Variants in XRCC4 observed in about 807,000 individuals in gnomAD.
XRCC4 encodes the protein X-ray repair cross complementing 4, also known as DNA repair protein XRCC4.
Under a neutral mutation model 39.1 loss-of-function variants are expected in XRCC4, and 28 were observed. That is an observed-to-expected ratio of 0.72 (90% CI 0.53 to 0.98). The LOEUF (loss-of-function observed/expected upper bound fraction) is 0.98, where lower values mean the gene tolerates loss of function less well. Ranked by LOEUF, XRCC4 falls within the 50% of genes least tolerant of loss-of-function variation. The pLI is 0.00. For missense variants in XRCC4, 350 were observed against 376.4 expected (o/e 0.93, Z 0.58); for synonymous variants, 123 against 126.4 (o/e 0.97, Z 0.18).
In XRCC4 at chr5:83,241,761, A is replaced by G. The variant is rs373745404; in HGVS notation, c.746-16769A>G. 2.6e-5 allele frequency among the ~76,000 whole-genome samples: 4 copies of G among 152,282 alleles called. No individual in the cohort carries two copies. The East Asian group carries it at 7.7e-4, about 29-fold the overall frequency. ...TAACATAAACAGTCATTTAACACAT[A>G]TTTTATGTTTTATGTACTATATACT... On this transcript the variant is annotated intron_variant, in intron 6 of 7. Transcript: ENST00000396027.
In XRCC4 at chr5:83,252,524, G is replaced by A. The variant is rs374598336; in HGVS notation, c.746-6006G>A. On this transcript the variant is annotated intron_variant, in intron 6 of 7. Transcript: ENST00000396027. ...TAAATGAATATTAATTTGGTCTTTCGTTGACAACATACTGTTTTAAAAATA... is the reference window on the plus strand; with the variant it reads ...TAAATGAATATTAATTTGGTCTTTCATTGACAACATACTGTTTTAAAAATA... Among the ~76,000 whole-genome samples the A allele has an allele frequency of 2.5e-3, 374 of 151,550 alleles. 2 individuals carry two copies. The highest frequency in any genetic ancestry group is 8.2e-3 in the African/African-American group (339 of 41,320).
At chr5:83,215,026 A>G (rs1751803671) in intron 6 of XRCC4, among the ~76,000 whole-genome samples, 1 of 151,982 alleles carries the variant, frequency 6.6e-6, no homozygotes, top group South Asian at 2.1e-4. Flanking sequence ...AACATCTTAT[A>G]TTTATAGATT....
chr5:83,202,765 GTATGTGTATGCATA>G (rs1751262609), intron 4 of XRCC4, among the ~76,000 whole-genome samples: 1 of 152,112 alleles, frequency 6.6e-6, no homozygotes, highest in Non-Finnish European at 1.5e-5. Flanking sequence ...TATTCATCAT[GTATGTGTATGCATA>G]TATTAAGTAT....
At chr5:83,090,970 AT>A (rs1208084004) in intron 1 of XRCC4, among the ~76,000 whole-genome samples, 1 of 152,192 alleles carries the variant, frequency 6.6e-6, no homozygotes, top group Non-Finnish European at 1.5e-5. Flanking sequence ...GAATGGTTAA[AT>A]TAAGCTAATT....
At chr5:83,309,499 C>T (rs1343235768) in intron 7 of XRCC4, among the ~76,000 whole-genome samples, 1 of 150,644 alleles carries the variant, frequency 6.6e-6, no homozygotes, top group East Asian at 2.0e-4. Context: ...CGGTGGCTCA[C>T]GCCTGTAATC....
the XRCC4 span, among the ~76,000 whole-genome samples, chr5:83,370,741 C>T: frequency 1.1e-4 from 16 of 152,102 alleles, no homozygotes; most frequent in African/African-American, 3.9e-4. Flanking sequence ...TTCCAGCCCC[C>T]AATCCATCTT....
At chr5:83,364,032 T>TG in the XRCC4 span, among the ~76,000 whole-genome samples, 1 of 151,972 alleles carries the variant, frequency 6.6e-6, no homozygotes, top group East Asian at 1.9e-4. Flanking sequence ...TTGAGGGGAG[T>TG]GGGGTTCAAT....
intron 1 of XRCC4, among the ~76,000 whole-genome samples, chr5:83,079,805 A>G (rs1035212140): frequency 1.3e-5 from 2 of 152,136 alleles, no homozygotes; most frequent in Non-Finnish European, 2.9e-5. Context: ...AAGTGCTGGG[A>G]TTACAGGTGT....
chr5:83,185,365 T>TAA (rs147693052), intron 3 of XRCC4, among the ~76,000 whole-genome samples: 5 of 141,850 alleles, frequency 3.5e-5, no homozygotes, highest in South Asian at 2.2e-4. Flanking sequence ...TGCCCAGCAT[T>TAA]AAAAAAAAAA....
At chr5:83,214,836 CA>C (rs796471835) in intron 6 of XRCC4, among the ~76,000 whole-genome samples, 5,873 of 77,688 alleles carry the variant, frequency 0.076, 184 homozygotes, top group South Asian at 0.22. Flanking sequence ...GACTCCTTCT[CA>C]AAAAAAAAAA....
chr5:83,292,225 C>G (rs149535799), intron 7 of XRCC4, among the ~76,000 whole-genome samples: 240 of 151,896 alleles, frequency 1.6e-3, no homozygotes, highest in African/African-American at 5.3e-3. Context: ...GCCTAAGATT[C>G]ACGGTGCACA....
intron 7 of XRCC4, among the ~76,000 whole-genome samples, chr5:83,272,202 A>G (rs1027351205): frequency 6.6e-6 from 1 of 152,190 alleles, no homozygotes; most frequent in Non-Finnish European, 1.5e-5. Context: ...AGTTTTTAAC[A>G]TTATTGTGTA....
intron 3 of XRCC4, among the ~76,000 whole-genome samples, chr5:83,177,073 C>G (rs115964990): frequency 2.0e-5 from 3 of 151,888 alleles, no homozygotes; most frequent in Non-Finnish European, 4.4e-5. Context: ...AGCAAATTAC[C>G]CCCTTATCAA....
At position 83,087,655 on chromosome 5, in the gene XRCC4, C is replaced by T. The variant is rs113210476; in HGVS notation, c.-11+10040C>T. ...TCCAGTCTGGGTGACAGAGTGAGAC[C>T]CTGTGTCAAAAAAAAAAAATTTTTT... On this transcript the variant is annotated intron_variant, in intron 1 of 7. Coordinates refer to ENST00000396027, the MANE Select transcript of XRCC4 (RefSeq NM_003401.5). 1.4e-3 allele frequency among the ~76,000 whole-genome samples: 211 copies of T among 151,756 alleles called. 1 individual carries two copies. The highest frequency in any genetic ancestry group is 5.0e-3 in the African/African-American group (209 of 41,390).
chr5:83,350,750 G>A (rs774651443), intron 7 of XRCC4, among the ~76,000 whole-genome samples: 1 of 152,074 alleles, frequency 6.6e-6, no homozygotes, highest in Non-Finnish European at 1.5e-5. Flanking sequence ...CTTTTGCTGT[G>A]TAGAAACTCT....
At chr5:83,302,413 C>A (rs1009843362) in intron 7 of XRCC4, among the ~76,000 whole-genome samples, 1 of 152,152 alleles carries the variant, frequency 6.6e-6, no homozygotes, top group Non-Finnish European at 1.5e-5. Context: ...TGGAGTGCAC[C>A]CTTCCTCATG....
chr5:83,294,642 G>T (rs1755033544), intron 7 of XRCC4, among the ~76,000 whole-genome samples: 1 of 151,974 alleles, frequency 6.6e-6, no homozygotes, highest in Non-Finnish European at 1.5e-5. Flanking sequence ...TAATTGAGAA[G>T]ACTTCTGGTT....
At chr5:83,125,360 C>G (rs1747208920) in intron 3 of XRCC4, among the ~76,000 whole-genome samples, 1 of 152,016 alleles carries the variant, frequency 6.6e-6, no homozygotes, top group Non-Finnish European at 1.5e-5. Flanking sequence ...TTCCCTTAAC[C>G]CTATGTCATA....
intron 3 of XRCC4, among the ~76,000 whole-genome samples, chr5:83,124,222 C>T (rs112403456): frequency 6.6e-6 from 1 of 152,126 alleles, no homozygotes; most frequent in Non-Finnish European, 1.5e-5. Flanking sequence ...GTACAGAACT[C>T]TTTTATTACC....
Sources: gnomAD v4.1 joint callset for allele counts (sites outside exome capture counted in the v4.1 genomes callset) on GRCh38, gnomAD v4.1.1 for gene constraint, MANE v1.5 for transcripts, NCBI Gene and HGNC (gene_info 2026-07-23, HGNC 2026-07-21) for gene names.